UGT2A2: variants seen among roughly 807,000 people sequenced by gnomAD.
UGT2A2 encodes the protein UDP-glucuronosyltransferase 2A2.
A neutral mutation model predicts 50.7 loss-of-function variants in UGT2A2; 60 were observed. That is an observed-to-expected ratio of 1.18 (90% CI 0.96 to 1.47). The LOEUF is 1.47. Among genes scored for constraint, UGT2A2 ranks in the 40% most tolerant of loss-of-function variants. UGT2A2 has a pLI of 0.00. For missense variants in UGT2A2, 762 were observed against 634.0 expected, an observed-to-expected ratio of 1.20 and a Z score of -2.17; for synonymous variants, 242 against 214.6, an observed-to-expected ratio of 1.13 and a Z score of -1.11.
At chr4:69,612,950 T>G (rs7685874) in intron 1 of UGT2A2, among the ~76,000 whole-genome samples, 58,480 of 146,550 alleles carry the variant, frequency 0.4, 11,768 homozygotes, top group African/African-American at 0.48. Flanking sequence ...ACAACCTACA[T>G]AATGGGAGAA....
chr4:69,608,809 C>T (rs1389607480), intron 1 of UGT2A2, among the ~76,000 whole-genome samples: 1 of 152,140 alleles, frequency 6.6e-6, no homozygotes, highest in Admixed American at 6.6e-5. Context: ...CATTCTCCCA[C>T]CTCAGCCTCC....
At chr4:69,615,049 A>C (rs1331823699) in intron 1 of UGT2A2, among the ~76,000 whole-genome samples, 1 of 152,020 alleles carries the variant, frequency 6.6e-6, no homozygotes, top group Non-Finnish European at 1.5e-5. Context: ...CAAGAAGAGC[A>C]AGTGGAAAAC....
chr4:69,623,423 A>G (rs1374513864), intron 1 of UGT2A2, among the ~76,000 whole-genome samples: 1 of 151,808 alleles, frequency 6.6e-6, no homozygotes. Flanking sequence ...AAAATGGGAT[A>G]GGGAAAAGAC....
At chr4:69,618,398 C>T (rs893990398) in intron 1 of UGT2A2, among the ~76,000 whole-genome samples, 38 of 151,842 alleles carry the variant, frequency 2.5e-4, no homozygotes, top group African/African-American at 9.2e-4. Context: ...TGGCAAAAGG[C>T]TTTGTCACAA....
In UGT2A2 at chr4:69,605,292, G is replaced by C. The variant is rs1199404607; in HGVS notation, c.743-5898C>G. 2.2e-5 allele frequency among the ~76,000 whole-genome samples: 3 copies of C among 136,756 alleles called. 1 individual carries two copies. The highest frequency in any genetic ancestry group is 7.2e-5 in the Admixed American group (1 of 13,868). The allele number at this position is 136,756 out of a possible 152,430, so 89.7% of individuals were successfully genotyped here. The stretch of plus-strand genomic sequence containing the variant: ...TCACTCAAAACCGCTCAACTACATG[G>C]AAACTGAACAACCTGCTCCTGAATG... On this transcript the variant is annotated intron_variant, in intron 1 of 5. Coordinates refer to ENST00000604629, the MANE Select transcript of UGT2A2 (RefSeq NM_001105677.2).
In UGT2A2 at chr4:69,614,972, GAGAA is replaced by G. The variant is rs1413103415; in HGVS notation, c.743-15582_743-15579del. Among the ~76,000 whole-genome samples the G allele has an allele frequency of 3.3e-5, 5 of 152,126 alleles. No individual in the cohort carries two copies. In the East Asian group the frequency reaches 7.8e-4, roughly 24 times the overall value. ...CACATCTTCACATGGTGGCAGGAGAGAGAAAGAGATAAGGGGAAATTGCTACACA... is the reference window on the plus strand; with the variant it reads ...CACATCTTCACATGGTGGCAGGAGAGAGAGATAAGGGGAAATTGCTACACA... On this transcript the variant is annotated intron_variant, in intron 1 of 5. Transcript: ENST00000604629.
intron 1 of UGT2A2, among the ~76,000 whole-genome samples, chr4:69,608,443 A>G (rs1044687295): frequency 4.0e-5 from 6 of 151,428 alleles, no homozygotes; most frequent in Admixed American, 6.6e-5. Flanking sequence ...GGGGGGAAGG[A>G]TAGCGTTGGG....
chr4:69,633,457 C>A (rs1577994371), intron 1 of UGT2A2, among the ~76,000 whole-genome samples: 1 of 152,260 alleles, frequency 6.6e-6, no homozygotes, highest in African/African-American at 2.4e-5. Flanking sequence ...ATATATCCAA[C>A]AGTATGGCAT....
At chr4:69,601,189 C>A (rs760521894) in intron 1 of UGT2A2, among the ~76,000 whole-genome samples, 7 of 152,146 alleles carry the variant, frequency 4.6e-5, no homozygotes, top group African/African-American at 7.2e-5. Context: ...GCAGAGGCGG[C>A]TGCACTTCTC....
intron 1 of UGT2A2, among the ~76,000 whole-genome samples, chr4:69,631,209 C>T (rs1721363109): frequency 6.6e-6 from 1 of 151,974 alleles, no homozygotes. Context: ...CACAAAGATA[C>T]CTATACTGTT....
intron 1 of UGT2A2, among the ~76,000 whole-genome samples, chr4:69,609,871 G>A (rs932374094): frequency 6.6e-6 from 1 of 152,090 alleles, no homozygotes; most frequent in African/African-American, 2.4e-5. Flanking sequence ...AACTGTCATA[G>A]AACTTGGGGA....
chr4:69,625,526 G>T (rs1328750358), intron 1 of UGT2A2, among the ~76,000 whole-genome samples: 1 of 150,788 alleles, frequency 6.6e-6, no homozygotes, highest in Non-Finnish European at 1.5e-5. Flanking sequence ...TTTCTATGCT[G>T]TGTCCAATCT....
At chr4:69,619,792 A>C (rs1259251177) in intron 1 of UGT2A2, among the ~76,000 whole-genome samples, 1 of 152,058 alleles carries the variant, frequency 6.6e-6, no homozygotes, top group Non-Finnish European at 1.5e-5. Flanking sequence ...GCATATCTAA[A>C]AGCTAATCCA....
chr4:69,611,039 T>C (rs1720004561), intron 1 of UGT2A2, among the ~76,000 whole-genome samples: 1 of 152,162 alleles, frequency 6.6e-6, no homozygotes, highest in South Asian at 2.1e-4. Flanking sequence ...ACATAAAAAT[T>C]AGAAAGCAAA....
intron 1 of UGT2A2, among the ~76,000 whole-genome samples, chr4:69,611,875 C>T (rs1280011226): frequency 2.0e-5 from 3 of 152,124 alleles, no homozygotes; most frequent in Non-Finnish European, 4.4e-5. Flanking sequence ...CCTCATTACA[C>T]ATACGCATTC....
At chr4:69,634,223 C>T (rs1237865914) in intron 1 of UGT2A2, among the ~76,000 whole-genome samples, 7 of 151,732 alleles carry the variant, frequency 4.6e-5, no homozygotes, top group East Asian at 1.9e-4. Context: ...CCAGCCTGAG[C>T]GACAGAGCGA....
At chr4:69,624,392 C>A (rs1487944741) in intron 1 of UGT2A2, among the ~76,000 whole-genome samples, 2 of 150,842 alleles carry the variant, frequency 1.3e-5, no homozygotes, top group African/African-American at 2.4e-5. Flanking sequence ...TTTAGTCTTG[C>A]TTTTTTTAAA....
intron 1 of UGT2A2, among the ~76,000 whole-genome samples, chr4:69,609,339 T>G (rs1719889752): frequency 6.6e-6 from 1 of 151,880 alleles, no homozygotes; most frequent in African/African-American, 2.4e-5. Context: ...TCTTTTCTAC[T>G]ATTTTTTATT....
rs1037473944 is a variant in UGT2A2 at position 69,601,754 on chromosome 4, G to A, written c.743-2360C>T. Reference sequence around the variant, plus strand: ...AGCTGGTGCTGGTATCCACTGATGGGAGACTAGAGGACAGGTCATATCACT... The same window carrying A: ...AGCTGGTGCTGGTATCCACTGATGGAAGACTAGAGGACAGGTCATATCACT... On this transcript the variant is annotated intron_variant, in intron 1 of 5. Coordinates refer to ENST00000604629, the MANE Select transcript of UGT2A2 (RefSeq NM_001105677.2). Among the ~76,000 whole-genome samples the A allele has an allele frequency of 2.2e-4, 19 of 86,086 alleles. 5 individuals are homozygous for A. The highest frequency in any genetic ancestry group is 7.5e-4 in the South Asian group (2 of 2,674). 56.5% of individuals were successfully genotyped at this position (86,086 alleles called of 152,430 possible). A position where few individuals can be genotyped will look rare whatever the true frequency, so the allele number is the denominator to read the frequency against.
Sources: gnomAD v4.1 joint callset for allele counts (sites outside exome capture counted in the v4.1 genomes callset) on GRCh38, gnomAD v4.1.1 for gene constraint, MANE v1.5 for transcripts, NCBI Gene and HGNC (gene_info 2026-07-23, HGNC 2026-07-21) for gene names.